Variants in POU6F2 observed in about 807,000 individuals in gnomAD.
The protein encoded by POU6F2 is POU domain, class 6, transcription factor 2.
In POU6F2, 31 loss-of-function variants were observed where a neutral mutation model predicts 71.3. The observed-to-expected ratio is 0.43, with a 90% confidence interval of 0.33 to 0.59. The LOEUF is 0.59. Among genes scored for constraint, POU6F2 ranks in the 20% least tolerant of loss-of-function variants. The pLI is 0.04. For synonymous variants in POU6F2, 347 were observed against 355.7 expected, an observed-to-expected ratio of 0.98 and a Z score of 0.27; for missense variants, 783 against 856.8, an observed-to-expected ratio of 0.91 and a Z score of 1.07.
chr7:39,346,505 G>T (rs558588326), intron 5 of POU6F2, among the ~76,000 whole-genome samples: 1 of 152,330 alleles, frequency 6.6e-6, no homozygotes, highest in African/African-American at 2.4e-5. Flanking sequence ...TAGAGCAATG[G>T]TCTGTCTGCA....
chr7:39,201,853 G>A (rs1415320206), intron 2 of POU6F2, among the ~76,000 whole-genome samples: 1 of 152,132 alleles, frequency 6.6e-6, no homozygotes, highest in East Asian at 1.9e-4. Flanking sequence ...CTCTGAGAAG[G>A]CCCCTGATTC....
chr7:39,177,830 A>G (rs899503478), intron 2 of POU6F2, among the ~76,000 whole-genome samples: 4 of 152,266 alleles, frequency 2.6e-5, no homozygotes, highest in African/African-American at 9.6e-5. Context: ...ACATTTTAAA[A>G]TTAATGATTT....
At chr7:39,135,669 A>G (rs1792375305) in intron 2 of POU6F2, among the ~76,000 whole-genome samples, 1 of 152,222 alleles carries the variant, frequency 6.6e-6, no homozygotes, top group Non-Finnish European at 1.5e-5. Context: ...TAAAGAAAAT[A>G]GAAACTAAGG....
At chr7:39,217,864 G>A (rs1398356052) in intron 4 of POU6F2, among the ~76,000 whole-genome samples, 5 of 152,126 alleles carry the variant, frequency 3.3e-5, no homozygotes, top group African/African-American at 1.2e-4. Context: ...ACTGGGGCAT[G>A]GATTAAACTG....
chr7:39,013,657 A>G (rs1178035119), intron 1 of POU6F2: 1 of 152,220 alleles, frequency 6.6e-6, no homozygotes, highest in East Asian at 1.9e-4. Context: ...TGATTCCGGC[A>G]TGATAATGAT....
chr7:39,119,838 A>G (rs1301429986), intron 2 of POU6F2, among the ~76,000 whole-genome samples: 1 of 152,232 alleles, frequency 6.6e-6, no homozygotes, highest in East Asian at 1.9e-4. Context: ...CTCCAGGTCA[A>G]TAAGAATATA....
chr7:39,220,551 A>G (rs1371899120), intron 4 of POU6F2, among the ~76,000 whole-genome samples: 2 of 152,206 alleles, frequency 1.3e-5, no homozygotes, highest in East Asian at 3.8e-4. Context: ...TAGTTAATAC[A>G]GAAGCTACAT....
At chr7:39,336,621 C>G (rs1391089779) in intron 4 of POU6F2, among the ~76,000 whole-genome samples, 1 of 152,108 alleles carries the variant, frequency 6.6e-6, no homozygotes, top group Non-Finnish European at 1.5e-5. Flanking sequence ...GGTTTTCTGC[C>G]CTCTGTAAAC....
At chr7:39,204,901 CTT>C (rs36029859) in intron 3 of POU6F2, among the ~76,000 whole-genome samples, 50 of 126,138 alleles carry the variant, frequency 4.0e-4, no homozygotes, top group East Asian at 2.7e-3. Flanking sequence ...AAAGGCTGGG[CTT>C]TTTTTTTTTT....
intron 6 of POU6F2, among the ~76,000 whole-genome samples, chr7:39,416,511 A>G (rs1787679193): frequency 6.6e-6 from 1 of 152,228 alleles, no homozygotes; most frequent in African/African-American, 2.4e-5. Context: ...CACACAGCAC[A>G]GTGATGTTAG....
Position 38,978,251 on chromosome 7 carries a change from C to T in POU6F2, c.105+193C>T, listed in dbSNP as rs183023447. Among the ~76,000 whole-genome samples, 508 of 152,232 alleles carry T rather than the reference C, an allele frequency of 3.3e-3. 3 individuals are homozygous for T. The highest frequency in any genetic ancestry group is 4.4e-3 in the Non-Finnish European group (300 of 67,992). Reference sequence around the variant, plus strand: ...GAAACCTCAGCTTAAAACTTCAATGCGATCCTTTTAAACAAAAACTAAAAC... The same window carrying T: ...GAAACCTCAGCTTAAAACTTCAATGTGATCCTTTTAAACAAAAACTAAAAC... On this transcript the variant is annotated intron_variant, in intron 1 of 9. Coordinates refer to ENST00000518318, the MANE Select transcript of POU6F2 (RefSeq NM_001370959.1).
chr7:39,447,021 G>A (rs1788540057), intron 7 of POU6F2, among the ~76,000 whole-genome samples: 1 of 152,176 alleles, frequency 6.6e-6, no homozygotes, highest in African/African-American at 2.4e-5. Flanking sequence ...GGGTAGTACA[G>A]ATAACTAGAA....
At chr7:39,459,017 C>G (rs972886219) in intron 8 of POU6F2, among the ~76,000 whole-genome samples, 1 of 152,184 alleles carries the variant, frequency 6.6e-6, no homozygotes, top group Non-Finnish European at 1.5e-5. Context: ...CTGCCTGACA[C>G]TTTTCTCTAA....
intron 6 of POU6F2, among the ~76,000 whole-genome samples, chr7:39,432,111 C>A (rs1165549821): frequency 1.3e-5 from 2 of 152,210 alleles, no homozygotes; most frequent in Non-Finnish European, 2.9e-5. Flanking sequence ...TGTCCAGATT[C>A]TATGGACACC....
intron 2 of POU6F2, among the ~76,000 whole-genome samples, chr7:39,110,497 A>G (rs938324016): frequency 5.3e-5 from 8 of 152,058 alleles, no homozygotes; most frequent in Admixed American, 4.6e-4. Context: ...AAATTATGTC[A>G]CGTTGGTAGC....
intron 4 of POU6F2, among the ~76,000 whole-genome samples, chr7:39,287,377 T>C (rs1209772637): frequency 2.0e-5 from 3 of 152,194 alleles, no homozygotes; most frequent in Admixed American, 2.0e-4. Context: ...TCCCTGTATG[T>C]TACCCCTGCT....
At chr7:39,376,923 ATTTAT>A (rs1786721526) in intron 5 of POU6F2, among the ~76,000 whole-genome samples, 1 of 145,590 alleles carries the variant, frequency 6.9e-6, no homozygotes, top group African/African-American at 2.5e-5. Flanking sequence ...TATATTTAAT[ATTTAT>A]TTAGTATATT....
At chr7:39,393,510 C>G (rs1297540811) in intron 5 of POU6F2, among the ~76,000 whole-genome samples, 1 of 152,128 alleles carries the variant, frequency 6.6e-6, no homozygotes, top group Non-Finnish European at 1.5e-5. Flanking sequence ...GTGACATGAC[C>G]AGAAATGGCA....
chr7:39,073,766 A>T (rs931590078), intron 1 of POU6F2, among the ~76,000 whole-genome samples: 1 of 152,248 alleles, frequency 6.6e-6, no homozygotes, highest in East Asian at 1.9e-4. Flanking sequence ...CAACCAAGCC[A>T]CATTAGCAGT....
Sources: gnomAD v4.1 joint callset for allele counts (sites outside exome capture counted in the v4.1 genomes callset) on GRCh38, gnomAD v4.1.1 for gene constraint, MANE v1.5 for transcripts, NCBI Gene and HGNC (gene_info 2026-07-23, HGNC 2026-07-21) for gene names.